The following PTPRJ variants were observed in gnomAD, a reference collection of about 807,000 sequenced individuals.
PTPRJ encodes protein tyrosine phosphatase receptor type J, also known as receptor-type tyrosine-protein phosphatase eta.
A neutral mutation model predicts 141.3 loss-of-function variants in PTPRJ; 129 were observed. The observed-to-expected ratio is 0.91, with a 90% CI of 0.79 to 1.06. The LOEUF (loss-of-function observed/expected upper bound fraction) is 1.06, where lower values mean the gene tolerates loss of function less well. Among genes scored for constraint, PTPRJ ranks in the 50% least tolerant of loss-of-function variants. PTPRJ has a pLI of 0.00. For missense variants in PTPRJ, 1,601 were observed against 1,679.7 expected, an observed-to-expected ratio of 0.95 and a Z score of 0.82; for synonymous variants, 610 against 640.5, an observed-to-expected ratio of 0.95 and a Z score of 0.72.
Position 48,112,923 on chromosome 11 carries a change from A to C in PTPRJ, c.292A>C (p.Thr98Pro). ...CTCTGGAGCCAACGATAGTTTAAGA[A>C]CACCTGAACAAGGATCTAATGGGAC... ...ESSGANDSLR[T>P]PEQGSNGTDG... Residue 98 changes from threonine to proline, a missense_variant, in exon 3 of 25, where the codon ACA becomes CCA. Coordinates refer to ENST00000418331, the MANE Select transcript of PTPRJ (RefSeq NM_002843.4). 3.7e-6 allele frequency: 6 copies of C among 1,614,206 alleles called. No homozygotes were observed. The highest frequency in any genetic ancestry group is 5.1e-6 in the Non-Finnish European group (6 of 1,180,034).
chr11:48,146,749 GCA>G, intron 14 of PTPRJ, 125 bp from the exon 15 acceptor site: 1 of 730,448 alleles, frequency 1.4e-6, no homozygotes, highest in Non-Finnish European at 2.5e-6. Flanking sequence ...GTGTGTGTGT[GCA>G]TGCATGTGTG....
chr11:48,155,898 G>A, intron 20 of PTPRJ, 24 bp downstream of exon 20: 1 of 1,589,934 alleles, frequency 6.3e-7, no homozygotes, highest in Non-Finnish European at 8.6e-7. Flanking sequence ...CGGTCTCACA[G>A]CACTGGACTG....
intron 1 of PTPRJ, among the ~76,000 whole-genome samples, chr11:48,082,219 C>A (rs1012236702): frequency 6.6e-6 from 1 of 152,142 alleles, no homozygotes; most frequent in African/African-American, 2.4e-5. Context: ...CTGTTTTCAA[C>A]GTTTCATCCA....
chr11:48,152,069 T>A (rs1308441423), intron 18 of PTPRJ, among the ~76,000 whole-genome samples: 1 of 152,258 alleles, frequency 6.6e-6, no homozygotes, highest in African/African-American at 2.4e-5. Context: ...AACAACAGTG[T>A]AAAAGTGTTG....
At chr11:48,031,595 G>A (rs115368872) in intron 1 of PTPRJ, among the ~76,000 whole-genome samples, 1,794 of 152,298 alleles carry the variant, frequency 0.012, 42 homozygotes, top group African/African-American at 0.042. Flanking sequence ...GGATGCAAAG[G>A]CCTGTGTGGT....
chr11:48,039,160 A>G (rs1854206655), intron 1 of PTPRJ, among the ~76,000 whole-genome samples: 1 of 151,862 alleles, frequency 6.6e-6, no homozygotes, highest in Non-Finnish European at 1.5e-5. Context: ...AAAAAAAAAA[A>G]AAAAAGAAAA....
chr11:48,118,651 G>A (rs1411804131), intron 3 of PTPRJ, among the ~76,000 whole-genome samples: 1 of 152,138 alleles, frequency 6.6e-6, no homozygotes, highest in Non-Finnish European at 1.5e-5. Flanking sequence ...TTCAACCTGT[G>A]CAAAACAATA....
At chr11:48,061,616 G>A (rs779969076) in intron 1 of PTPRJ, among the ~76,000 whole-genome samples, 2 of 152,168 alleles carry the variant, frequency 1.3e-5, no homozygotes, top group Non-Finnish European at 2.9e-5. Context: ...GTACAGAGCT[G>A]GGATCCTGGC....
intron 1 of PTPRJ, among the ~76,000 whole-genome samples, chr11:48,035,565 T>TTTTTTTTTTTTTTTTTTA (rs1854103451): frequency 9.9e-6 from 1 of 100,614 alleles, no homozygotes; most frequent in Non-Finnish European, 1.9e-5. Flanking sequence ...TTTTTTTTTT[T>TTTTTTTTTTTTTTTTTTA]AGTTTATGGG....
At chr11:48,053,379 A>T (rs1376953282) in intron 1 of PTPRJ, among the ~76,000 whole-genome samples, 2 of 99,716 alleles carry the variant, frequency 2.0e-5, no homozygotes, top group Non-Finnish European at 3.5e-5. Flanking sequence ...ATATATATAA[A>T]ATATATATAA....
At chr11:48,004,681 G>A (rs1032756282) in intron 1 of PTPRJ, among the ~76,000 whole-genome samples, 2 of 152,152 alleles carry the variant, frequency 1.3e-5, no homozygotes, top group African/African-American at 4.8e-5. Flanking sequence ...AGACTCATTT[G>A]GGGTACAGTG....
chr11:48,055,196 A>AT (rs201456169), intron 1 of PTPRJ, among the ~76,000 whole-genome samples: 3,619 of 150,452 alleles, frequency 0.024, 138 homozygotes, highest in African/African-American at 0.086. Context: ...TAAATAAAAA[A>AT]AAAATAAATA....
At chr11:48,154,318 G>A (rs1334199694) in intron 19 of PTPRJ, among the ~76,000 whole-genome samples, 1 of 152,188 alleles carries the variant, frequency 6.6e-6, no homozygotes, top group Non-Finnish European at 1.5e-5. Flanking sequence ...GAGGGAGACG[G>A]GGAGTCACAC....
chr11:48,114,255 T>C (rs1012692287), intron 3 of PTPRJ, among the ~76,000 whole-genome samples: 6 of 151,784 alleles, frequency 4.0e-5, no homozygotes, highest in Admixed American at 3.9e-4. Context: ...CTGGCCAACA[T>C]GGCAAAACCC....
At chr11:48,025,344 A>G (rs181420653) in intron 1 of PTPRJ, among the ~76,000 whole-genome samples, 148 of 152,348 alleles carry the variant, frequency 9.7e-4, no homozygotes, top group African/African-American at 3.3e-3. Flanking sequence ...GTACAGCCCC[A>G]GAAAACCCAG....
chr11:48,041,420 C>T (rs1854270634), intron 1 of PTPRJ, among the ~76,000 whole-genome samples: 2 of 152,086 alleles, frequency 1.3e-5, no homozygotes, highest in Non-Finnish European at 2.9e-5. Flanking sequence ...TATTGTTAAC[C>T]CACGTAGAAT....
chr11:48,136,287 C>T lies in PTPRJ; in HGVS notation c.1864C>T (p.Gln622Ter). 2 of 1,614,072 alleles carry T rather than the reference C, an allele frequency of 1.2e-6. No individual in the cohort carries two copies. The highest frequency in any genetic ancestry group is 1.7e-6 in the Non-Finnish European group (2 of 1,180,016). Residue 622 changes from glutamine (Q) to a stop codon, truncating the protein, a stop_gained, in exon 9 of 25, where the codon CAG becomes TAG. Coordinates refer to ENST00000418331, the MANE Select transcript of PTPRJ (RefSeq NM_002843.4). LOFTEE classifies it high-confidence loss of function. ...HVWGDPNSTAQYTRPSNVSNI... is the reference protein window; with the variant it reads ...HVWGDPNSTA ...CTGGGGGGACCCCAACTCCACTGCA[C>T]AGTACACACGTAAGTCTCTTAGGAT... is the stretch of plus-strand genomic sequence containing the variant.
chr11:48,137,176 A>G lies in PTPRJ; in HGVS notation c.2047A>G (p.Thr683Ala). The change falls in exon 10 of 25, where the codon ACA (threonine) becomes GCA (alanine). Residue 683 changes from threonine (T) to alanine (A), a missense_variant. Physicochemically the swap from Thr to Ala is moderately conservative, Grantham distance 58. Coordinates refer to ENST00000418331, the MANE Select transcript of PTPRJ (RefSeq NM_002843.4). Reference sequence around the variant, plus strand: ...CACGGACATTGGAATTACTGACGCTACAGTCACTGAATTAATACCTGGCTC... The same window carrying G: ...CACGGACATTGGAATTACTGACGCTGCAGTCACTGAATTAATACCTGGCTC... ...VVTDIGITDA[T>A]VTELIPGSSY... 1 of 1,612,904 alleles carries G rather than the reference A, an allele frequency of 6.2e-7. No individual in the cohort carries two copies. The highest frequency in any genetic ancestry group is 8.5e-7 in the Non-Finnish European group (1 of 1,178,836).
In PTPRJ at chr11:48,156,116, A is replaced by C; in HGVS notation, c.3435A>C (p.Gly1145=). Residue 1145 remains glycine (G), a synonymous_variant, in exon 21 of 25, where the codon GGA becomes GGC. Coordinates refer to ENST00000418331, the MANE Select transcript of PTPRJ (RefSeq NM_002843.4). ...IIMLTKCVEQ[G]RTKCEEYWPS... ...TGTTGACTAAATGTGTTGAACAGGGAAGAGTAAGTATCTTTTTTAGTTTTT... is the reference window on the plus strand; with the variant it reads ...TGTTGACTAAATGTGTTGAACAGGGCAGAGTAAGTATCTTTTTTAGTTTTT... The C allele has an allele frequency of 6.3e-7, 1 of 1,581,290 alleles. No homozygotes were observed. Among genetic ancestry groups the C allele is most frequent in the South Asian group, 1.1e-5 (1 of 87,966 alleles).
Sources: gnomAD v4.1 joint callset for allele counts (sites outside exome capture counted in the v4.1 genomes callset) on GRCh38, gnomAD v4.1.1 for gene constraint, MANE v1.5 for transcripts, NCBI Gene and HGNC (gene_info 2026-07-23, HGNC 2026-07-21) for gene names.